Variants in KIF1B observed in about 807,000 individuals in gnomAD.
KIF1B encodes kinesin family member 1B.
KIF1B carries 76 observed loss-of-function variants against 241.9 expected under a neutral mutation model. That is an observed-to-expected ratio of 0.31 (90% confidence interval 0.26 to 0.38). The LOEUF is 0.38. KIF1B is among the 10% of genes least tolerant of loss of function. The pLI, the probability that KIF1B is intolerant of heterozygous loss-of-function variation, is 1.00. For synonymous variants in KIF1B, 750 were observed against 796.7 expected (o/e 0.94, Z 0.99); for missense variants, 1,622 against 2,271.4 (o/e 0.71, Z 5.81).
At chr1:10,368,129 A>G (rs528499921) in intron 43 of KIF1B, among the ~76,000 whole-genome samples, 1 of 152,068 alleles carries the variant, frequency 6.6e-6, no homozygotes. Context: ...TTCCCTTACT[A>G]TATACTTAGT....
At chr1:10,224,935 G>C (rs1646891590) in intron 1 of KIF1B, among the ~76,000 whole-genome samples, 1 of 152,146 alleles carries the variant, frequency 6.6e-6, no homozygotes. Context: ...GGATGAAACT[G>C]TTCCACCTCA....
At chr1:10,296,754 A>G (rs1650283739) in intron 20 of KIF1B, 89 bp downstream of exon 20, 1 of 1,376,170 alleles carries the variant, frequency 7.3e-7, no homozygotes, top group Non-Finnish European at 1.0e-6. Flanking sequence ...GGCTGAAGTA[A>G]TAGTCAGCAT....
chr1:10,336,034 C>T (rs1312116685), intron 28 of KIF1B, among the ~76,000 whole-genome samples: 1 of 152,172 alleles, frequency 6.6e-6, no homozygotes, highest in African/African-American at 2.4e-5. Flanking sequence ...GAAGTCTCCT[C>T]CACAAGTACA....
At chr1:10,298,797 A>G (rs1650393574) in intron 22 of KIF1B, among the ~76,000 whole-genome samples, 1 of 152,150 alleles carries the variant, frequency 6.6e-6, no homozygotes, top group Non-Finnish European at 1.5e-5. Flanking sequence ...GACCCTCAAA[A>G]CAACCCTCTT....
chr1:10,326,039 C>T lies in KIF1B; in HGVS notation c.2676-72C>T, dbSNP rs1163567826. On this transcript the variant is annotated intron_variant, in intron 26 of 48. Transcript: ENST00000676179. The surrounding 1 kb of genome is among the most constrained non-coding windows in gnomAD (Gnocchi z 5.2). ...CCAGTGGATTCTGTCCTGTTAGCACCTATTGCTTCCTGTTTAACCAACTAT... is the reference window on the plus strand; with the variant it reads ...CCAGTGGATTCTGTCCTGTTAGCACTTATTGCTTCCTGTTTAACCAACTAT... 1.1e-5 allele frequency: 17 copies of T among 1,588,392 alleles called. No individual in the cohort carries two copies. The highest frequency in any genetic ancestry group is 2.2e-5 in the East Asian group (1 of 44,804).
At chr1:10,234,935 A>C (rs188517595) in intron 2 of KIF1B, among the ~76,000 whole-genome samples, 66 of 149,926 alleles carry the variant, frequency 4.4e-4, no homozygotes, top group African/African-American at 1.5e-3. Context: ...ACCCAGGCTG[A>C]AGTGCAGTGG....
chr1:10,267,583 C>T (rs765607988), intron 6 of KIF1B, 25 bp downstream of exon 6: 1 of 1,612,180 alleles, frequency 6.2e-7, no homozygotes, highest in African/African-American at 1.3e-5. Context: ...AGAGTAATGA[C>T]TGAGGTCTTT....
Position 10,303,536 on chromosome 1 carries a change from C to T in KIF1B, c.2115+6290C>T, listed in dbSNP as rs746588595. ...AAGAAAGACCCCAATGAGCGGGACT[C>T]CTGGAGGGCAGTGGCCAGGGACGTC... On this transcript the variant is annotated intron_variant, in intron 22 of 48. Transcript: ENST00000676179. This position sits in a 1 kb window ranked among gnomAD's most constrained non-coding sequence, Gnocchi z 5.2. 3 of 1,614,008 alleles carry T rather than the reference C, an allele frequency of 1.9e-6. No homozygotes were observed. Among genetic ancestry groups the T allele is most frequent in the Non-Finnish European group, 1.7e-6 (2 of 1,180,038 alleles).
intron 1 of KIF1B, among the ~76,000 whole-genome samples, chr1:10,221,533 G>A (rs760484837): frequency 1.6e-4 from 24 of 152,052 alleles, no homozygotes; most frequent in Non-Finnish European, 2.2e-4. Context: ...ATTTTGGGGG[G>A]CCATTTTATC....
At position 10,375,011 on chromosome 1, in the gene KIF1B, G is replaced by A; in HGVS notation, c.5254G>A (p.Val1752Met). ...AATCATTAACCTGTCCACAGCACAGGTGGAGTACAGTGAGGACCAGCAGGC... is the reference window on the plus strand; with the variant it reads ...AATCATTAACCTGTCCACAGCACAGATGGAGTACAGTGAGGACCAGCAGGC... ...RGIINLSTAQVEYSEDQQAMV... is the reference protein window; with the variant it reads ...RGIINLSTAQMEYSEDQQAMV... The change falls in exon 47 of 49, where the codon GTG (valine) becomes ATG (methionine). Residue 1752 changes from valine to methionine, a missense_variant. Around this residue, in one of 7 missense-constraint regions of KIF1B, gnomAD observed 357 missense variants for 409.0 expected, o/e 0.87. Transcript: ENST00000676179. 6.2e-7 allele frequency: 1 copy of A among 1,614,194 alleles called. No individual in the cohort carries two copies. Among genetic ancestry groups the A allele is most frequent in the Non-Finnish European group, 8.5e-7 (1 of 1,180,030 alleles).
At chr1:10,277,956 G>T in intron 12 of KIF1B, 30 bp from the exon 13 acceptor site, 1 of 1,605,004 alleles carries the variant, frequency 6.2e-7, no homozygotes, top group South Asian at 1.1e-5. Context: ...TATGAGAAAT[G>T]ACAAGAACAA....
At chr1:10,228,266 A>G (rs1383258710) in intron 1 of KIF1B, among the ~76,000 whole-genome samples, 1 of 152,158 alleles carries the variant, frequency 6.6e-6, no homozygotes, top group African/African-American at 2.4e-5. Flanking sequence ...TATACAGGCT[A>G]TACAGACTAG....
chr1:10,331,387 T>C (rs1651916466), intron 27 of KIF1B, among the ~76,000 whole-genome samples: 1 of 152,260 alleles, frequency 6.6e-6, no homozygotes, highest in Non-Finnish European at 1.5e-5. Flanking sequence ...TACGTTTTTT[T>C]ACACCAGAGC....
chr1:10,280,382 C>T (rs376729154), intron 14 of KIF1B, among the ~76,000 whole-genome samples: 3 of 151,948 alleles, frequency 2.0e-5, no homozygotes, highest in Non-Finnish European at 2.9e-5. Flanking sequence ...ACTATAGGTG[C>T]GCACCACCAC....
Position 10,269,375 on chromosome 1 carries a change from C to T in KIF1B, c.720+1112C>T, listed in dbSNP as rs114644189. ...TAAAAATATAAAAAAATTGGCTGTG[C>T]GTGGTGGCATGCGCCTGTGGTCCCA... On this transcript the variant is annotated intron_variant, in intron 7 of 48. Transcript: ENST00000676179. Among the ~76,000 whole-genome samples, 1,296 of 151,064 alleles carry T rather than the reference C, an allele frequency of 8.6e-3. 17 individuals carry two copies. The highest frequency in any genetic ancestry group is 0.03 in the African/African-American group (1,223 of 41,100).
chr1:10,254,876 CAA>C (rs1159193467), intron 2 of KIF1B, among the ~76,000 whole-genome samples: 82 of 36,622 alleles, frequency 2.2e-3, no homozygotes, highest in African/African-American at 6.5e-3. Context: ...GACTCTGTCT[CAA>C]AAAAAAAAAA....
chr1:10,221,260 G>A (rs1319184969), intron 1 of KIF1B, among the ~76,000 whole-genome samples: 1 of 151,828 alleles, frequency 6.6e-6, no homozygotes, highest in Non-Finnish European at 1.5e-5. Flanking sequence ...ACCACACCCA[G>A]CTAATTTTTG....
At chr1:10,305,740 A>G (rs1394395730) in intron 22 of KIF1B, 5 of 1,056,582 alleles carry the variant, frequency 4.7e-6, no homozygotes, top group Admixed American at 5.4e-5. Flanking sequence ...ACCTCATTTT[A>G]TTTGGTTGTG....
In KIF1B at chr1:10,276,370, C is replaced by G; in HGVS notation, c.1008C>G (p.Ile336Met). 1 of 1,613,748 alleles carries G rather than the reference C, an allele frequency of 6.2e-7. No homozygotes were observed. The highest frequency in any genetic ancestry group is 8.5e-7 in the Non-Finnish European group (1 of 1,179,782). The change falls in exon 12 of 49, where the codon ATC (isoleucine) becomes ATG (methionine). Residue 336 changes from isoleucine to methionine, a missense_variant. Ile to Met is a conservative substitution (Grantham distance 10). Coordinates refer to ENST00000676179, the MANE Select transcript of KIF1B (RefSeq NM_001365951.3). ...AMVAALSPAD[I>M]NYDETLSTLR... ...TTGCTGCTCTGAGCCCCGCGGATAT[C>G]AACTACGATGAGACTTTGAGCACTC... is the stretch of plus-strand genomic sequence containing the variant.
Sources: allele counts gnomAD v4.1 joint callset (sites outside exome capture counted in the v4.1 genomes callset), GRCh38; gene constraint gnomAD v4.1.1; regional missense constraint gnomAD v4.1.1; non-coding constraint Gnocchi (gnomAD v3.1); transcripts MANE v1.5; gene names NCBI Gene and HGNC (gene_info 2026-07-23, HGNC 2026-07-21).